PCDHGB7: variants seen among roughly 807,000 people sequenced by gnomAD.
PCDHGB7 encodes the protein protocadherin gamma-B7.
PCDHGB7 carries 37 observed loss-of-function variants against 61.4 expected under a neutral mutation model. The ratio of observed to expected loss-of-function variants is 0.60; its 90% CI spans 0.46 to 0.79. The LOEUF (loss-of-function observed/expected upper bound fraction) is 0.79, where lower values mean the gene tolerates loss of function less well. PCDHGB7 is among the 30% of genes least tolerant of loss of function. The pLI is 0.00. For missense variants in PCDHGB7, 1,166 were observed against 1,202.5 expected (o/e 0.97, Z 0.45); for synonymous variants, 464 against 503.5 (o/e 0.92, Z 1.05).
At chr5:141,499,013 GA>G (rs2099788463) in intron 2 of PCDHGB7, among the ~76,000 whole-genome samples, 1 of 144,746 alleles carries the variant, frequency 6.9e-6, no homozygotes, top group Non-Finnish European at 1.5e-5. Context: ...AGGAAGGAAG[GA>G]AGGAAGGAAG....
In PCDHGB7 at chr5:141,478,136, C is replaced by G. The variant is rs529858044; in HGVS notation, c.2416-16671C>G. 1.4e-4 allele frequency: 218 copies of G among 1,614,048 alleles called. 3 individuals are homozygous for G. The South Asian group carries it at 2.2e-3, about 17-fold the overall frequency. ...AGTAACCGAGGACTCTCCTGAAGCC[C>G]GAGCCGAGTTCCCCTCTGGCTCTGC... is the stretch of plus-strand genomic sequence containing the variant. On this transcript the variant is annotated intron_variant, in intron 1 of 3. Coordinates refer to ENST00000398594, the MANE Select transcript of PCDHGB7 (RefSeq NM_018927.4).
At chr5:141,434,830 C>A (rs7703679) in intron 1 of PCDHGB7, among the ~76,000 whole-genome samples, 45,467 of 151,546 alleles carry the variant, frequency 0.3, 8,050 homozygotes, top group African/African-American at 0.5. Flanking sequence ...GTACACTTGG[C>A]ATTTATAAAG....
intron 1 of PCDHGB7, chr5:141,427,536 G>A (rs758610182): frequency 4.8e-6 from 3 of 626,396 alleles, no homozygotes; most frequent in Middle Eastern, 2.5e-4. Flanking sequence ...GGAGTACAAC[G>A]TCACCATCAC....
In PCDHGB7 at chr5:141,489,574, C is replaced by T. The variant is rs963768096; in HGVS notation, c.2416-5233C>T. The T allele has an allele frequency of 2.5e-6, 4 of 1,613,978 alleles. No homozygotes were observed. The highest frequency in any genetic ancestry group is 3.4e-6 in the Non-Finnish European group (4 of 1,180,014). ...GCTGCCAGTGCAGGTGGTGACTGAA[C>T]ACCCCCTGGAGCTAATCCGTGTAGA... On this transcript the variant is annotated intron_variant, in intron 1 of 3. Coordinates refer to ENST00000398594, the MANE Select transcript of PCDHGB7 (RefSeq NM_018927.4). This position sits in a 1 kb window ranked among gnomAD's most constrained non-coding sequence, Gnocchi z 4.5.
At chr5:141,421,894 C>A in intron 1 of PCDHGB7, 3 of 1,613,704 alleles carry the variant, frequency 1.9e-6, no homozygotes, top group Non-Finnish European at 2.5e-6. Context: ...CGATCCCATC[C>A]GAAAGGGCGC....
chr5:141,478,415 C>T, intron 1 of PCDHGB7: 1 of 1,613,648 alleles, frequency 6.2e-7, no homozygotes, highest in Non-Finnish European at 8.5e-7. Flanking sequence ...CACGGACTCC[C>T]GCCGCAGCGA....
At chr5:141,425,214 A>G (rs999893857) in intron 1 of PCDHGB7, among the ~76,000 whole-genome samples, 2 of 152,178 alleles carry the variant, frequency 1.3e-5, no homozygotes, top group Non-Finnish European at 2.9e-5. Context: ...AAGGCATTGT[A>G]CTTTGACTGG....
chr5:141,489,571 G>A lies in PCDHGB7; in HGVS notation c.2416-5236G>A, dbSNP rs1206848223. The A allele has an allele frequency of 1.9e-6, 3 of 1,613,884 alleles. No individual in the cohort carries two copies. The highest frequency in any genetic ancestry group is 2.2e-5 in the South Asian group (2 of 91,070). On this transcript the variant is annotated intron_variant, in intron 1 of 3. Transcript: ENST00000398594. The surrounding 1 kb of genome is among the most constrained non-coding windows in gnomAD (Gnocchi z 4.5). ...CCTGCTGCCAGTGCAGGTGGTGACT[G>A]AACACCCCCTGGAGCTAATCCGTGT...
At chr5:141,424,668 A>G (rs1561816018) in intron 1 of PCDHGB7, 1 of 152,196 alleles carries the variant, frequency 6.6e-6, no homozygotes, top group Non-Finnish European at 1.5e-5. Flanking sequence ...AATTAAACTG[A>G]TTTAGCTAGT....
chr5:141,477,992 G>T lies in PCDHGB7; in HGVS notation c.2416-16815G>T. The T allele has an allele frequency of 6.2e-7, 1 of 1,614,108 alleles. No individual in the cohort carries two copies. Among genetic ancestry groups the T allele is most frequent in the Non-Finnish European group, 8.5e-7 (1 of 1,180,024 alleles). On this transcript the variant is annotated intron_variant, in intron 1 of 3. Transcript: ENST00000398594. The surrounding 1 kb of genome is among the most constrained non-coding windows in gnomAD (Gnocchi z 4.9). Reference sequence around the variant, plus strand: ...CCTTTTTGCCATAGGGCTGCACACTGGTCAAATCAGTACTGCCCGTCCAGT... The same window carrying T: ...CCTTTTTGCCATAGGGCTGCACACTTGTCAAATCAGTACTGCCCGTCCAGT...
Position 141,480,177 on chromosome 5 carries a change from G to T in PCDHGB7, c.2416-14630G>T, listed in dbSNP as rs570721769. 4.6e-5 allele frequency among the ~76,000 whole-genome samples: 7 copies of T among 152,066 alleles called. No homozygotes were observed. In the South Asian group the frequency reaches 6.3e-4, roughly 14 times the overall value. ...CTAGCATTTTGGGAGGCTGAGGCAGGCGGATTGCTTGAGGCCAGCAGTTCA... is the reference window on the plus strand; with the variant it reads ...CTAGCATTTTGGGAGGCTGAGGCAGTCGGATTGCTTGAGGCCAGCAGTTCA... On this transcript the variant is annotated intron_variant, in intron 1 of 3. Coordinates refer to ENST00000398594, the MANE Select transcript of PCDHGB7 (RefSeq NM_018927.4).
chr5:141,503,630 A>G, intron 2 of PCDHGB7, among the ~76,000 whole-genome samples: 1 of 152,088 alleles, frequency 6.6e-6, no homozygotes, highest in Admixed American at 6.6e-5. Flanking sequence ...AAGAAAAGAA[A>G]TAATTATTGA....
rs1283454889 is a variant in PCDHGB7 at position 141,419,174 on chromosome 5, A to G, written c.1315A>G (p.Thr439Ala). 1 of 1,613,840 alleles carries G rather than the reference A, an allele frequency of 6.2e-7. No homozygotes were observed. The highest frequency in any genetic ancestry group is 2.2e-5 in the East Asian group (1 of 44,882). ...KPPLSSSKTITLHITDVNDNA... is the reference protein window; with the variant it reads ...KPPLSSSKTIALHITDVNDNA... Reference sequence around the variant, plus strand: ...TCCGTTATCCTCCAGCAAAACCATAACCCTGCACATTACTGACGTCAATGA... The same window carrying G: ...TCCGTTATCCTCCAGCAAAACCATAGCCCTGCACATTACTGACGTCAATGA... Residue 439 changes from threonine (T) to alanine (A), a missense_variant, in exon 1 of 4, where the codon ACC (threonine) becomes GCC (alanine). Coordinates refer to ENST00000398594, the MANE Select transcript of PCDHGB7 (RefSeq NM_018927.4).
intron 1 of PCDHGB7, among the ~76,000 whole-genome samples, chr5:141,438,591 C>CATACAT (rs1228520343): frequency 1.3e-5 from 1 of 75,562 alleles, no homozygotes; most frequent in Non-Finnish European, 2.7e-5. Flanking sequence ...TACATACATA[C>CATACAT]ATATATATAT....
rs2097527384 is a variant in PCDHGB7 at position 141,432,674 on chromosome 5, A to G, written c.2415+12400A>G. 2 of 1,613,856 alleles carry G rather than the reference A, an allele frequency of 1.2e-6. No homozygotes were observed. The highest frequency in any genetic ancestry group is 4.5e-5 in the East Asian group (2 of 44,840). On this transcript the variant is annotated intron_variant, in intron 1 of 3. Coordinates refer to ENST00000398594, the MANE Select transcript of PCDHGB7 (RefSeq NM_018927.4). The surrounding 1 kb of genome is among the most constrained non-coding windows in gnomAD (Gnocchi z 6.0). ...AGCCCTGCTGGACAGAGACGCGCTCAAGCAGAGCCTCGTAGTGGCCGTCCA... is the reference window on the plus strand; with the variant it reads ...AGCCCTGCTGGACAGAGACGCGCTCGAGCAGAGCCTCGTAGTGGCCGTCCA...
At chr5:141,474,452 G>A (rs1341193950) in intron 1 of PCDHGB7, among the ~76,000 whole-genome samples, 1 of 152,158 alleles carries the variant, frequency 6.6e-6, no homozygotes, top group Non-Finnish European at 1.5e-5. Flanking sequence ...CAAGTGATTG[G>A]GCTATACTCT....
In PCDHGB7 at chr5:141,476,299, C is replaced by T; in HGVS notation, c.2416-18508C>T. ...ACCTTGGTTTGGATCTCGGTAGCCT[C>T]TCAGCCCGCAGGTTCCGGGTGGTGT... On this transcript the variant is annotated intron_variant, in intron 1 of 3. Transcript: ENST00000398594. The surrounding 1 kb of genome is among the most constrained non-coding windows in gnomAD (Gnocchi z 7.6). The T allele has an allele frequency of 6.2e-7, 1 of 1,614,100 alleles. No individual in the cohort carries two copies. The highest frequency in any genetic ancestry group is 1.1e-5 in the South Asian group (1 of 91,074).
At chr5:141,481,747 T>A (rs1319673737) in intron 1 of PCDHGB7, among the ~76,000 whole-genome samples, 3 of 151,684 alleles carry the variant, frequency 2.0e-5, no homozygotes, top group African/African-American at 7.3e-5. Flanking sequence ...AGGTCAGGAG[T>A]CCAAGACCAG....
chr5:141,442,149 T>C, intron 1 of PCDHGB7: 1 of 159,274 alleles, frequency 6.3e-6, no homozygotes, highest in Non-Finnish European at 1.4e-5. Flanking sequence ...CTGCCAGACC[T>C]CAGCGATCAC....
Sources: allele counts gnomAD v4.1 joint callset (sites outside exome capture counted in the v4.1 genomes callset), GRCh38; gene constraint gnomAD v4.1.1; non-coding constraint Gnocchi (gnomAD v3.1); transcripts MANE v1.5; gene names NCBI Gene and HGNC (gene_info 2026-07-23, HGNC 2026-07-21).